The following CACNB4 variants were observed in gnomAD, a reference collection of about 807,000 sequenced individuals.
CACNB4 encodes voltage-dependent L-type calcium channel subunit beta-4.
CACNB4 carries 32 observed loss-of-function variants against 71.2 expected under a neutral mutation model. That is an observed-to-expected ratio of 0.45 (90% confidence interval 0.34 to 0.60). The LOEUF (loss-of-function observed/expected upper bound fraction) is 0.60. Among genes scored for constraint, CACNB4 ranks in the 20% least tolerant of loss-of-function variants. The pLI is 0.01. For missense variants in CACNB4, 464 were observed against 647.9 expected, an observed-to-expected ratio of 0.72 and a Z score of 3.08; for synonymous variants, 231 against 236.9, an observed-to-expected ratio of 0.97 and a Z score of 0.23.
Position 152,026,912 on chromosome 2 carries a change from C to CTT in CACNB4, c.147+71416_147+71417dup, listed in dbSNP as rs60945553. Among the ~76,000 whole-genome samples the CTT allele has an allele frequency of 4.6e-3, 671 of 146,862 alleles. 1 individual carries two copies. Among genetic ancestry groups the CTT allele is most frequent in the Middle Eastern group, 0.011 (3 of 276 alleles). ...GACAGCATTTGACACAATTATCTTT[C>CTT]TTTTTTTTTTTTGATACGGAGTTTC... is the stretch of plus-strand genomic sequence containing the variant. On this transcript the variant is annotated intron_variant, in intron 2 of 13. Coordinates refer to ENST00000539935, the MANE Select transcript of CACNB4 (RefSeq NM_000726.5).
At chr2:151,930,230 T>A (rs1209495028) in intron 2 of CACNB4, among the ~76,000 whole-genome samples, 1 of 152,158 alleles carries the variant, frequency 6.6e-6, no homozygotes, top group Non-Finnish European at 1.5e-5. Flanking sequence ...TAAATGAAGC[T>A]CTTCAAAACT....
intron 2 of CACNB4, among the ~76,000 whole-genome samples, chr2:152,097,428 T>C (rs964166772): frequency 2.0e-5 from 3 of 152,142 alleles, no homozygotes; most frequent in Non-Finnish European, 4.4e-5. Context: ...CGATGACCAA[T>C]GTCTTCCTAG....
intron 2 of CACNB4, among the ~76,000 whole-genome samples, chr2:152,097,628 G>C (rs1425653413): frequency 6.6e-6 from 1 of 152,168 alleles, no homozygotes; most frequent in Non-Finnish European, 1.5e-5. Flanking sequence ...CATTACCAGC[G>C]ATCCGGAGAT....
chr2:152,001,645 G>A (rs925553412), intron 2 of CACNB4, among the ~76,000 whole-genome samples: 47 of 151,462 alleles, frequency 3.1e-4, no homozygotes, highest in African/African-American at 1.1e-3. Context: ...CCTGGGAGGC[G>A]GAGGTTGCAG....
At chr2:151,937,340 T>G (rs2099863155) in intron 2 of CACNB4, among the ~76,000 whole-genome samples, 1 of 152,204 alleles carries the variant, frequency 6.6e-6, no homozygotes, top group Admixed American at 6.5e-5. Flanking sequence ...CATTTAATGC[T>G]GCCTTACACT....
intron 2 of CACNB4, among the ~76,000 whole-genome samples, chr2:151,951,368 G>C (rs2099866876): frequency 6.6e-6 from 1 of 151,800 alleles, no homozygotes; most frequent in Non-Finnish European, 1.5e-5. Context: ...GATCTCTGAT[G>C]ACTCAAGTGC....
At chr2:152,064,661 G>C (rs1332713219) in intron 2 of CACNB4, among the ~76,000 whole-genome samples, 1 of 152,174 alleles carries the variant, frequency 6.6e-6, no homozygotes, top group African/African-American at 2.4e-5. Flanking sequence ...GGGATTACAG[G>C]CATGAGCCAC....
intron 2 of CACNB4, among the ~76,000 whole-genome samples, chr2:152,002,721 T>C (rs1682495479): frequency 6.6e-6 from 1 of 152,224 alleles, no homozygotes; most frequent in African/African-American, 2.4e-5. Flanking sequence ...GTGATTCAAA[T>C]GTGCAGTATG....
intron 2 of CACNB4, among the ~76,000 whole-genome samples, chr2:152,021,211 C>T (rs931351611): frequency 2.6e-5 from 4 of 152,240 alleles, no homozygotes; most frequent in South Asian, 2.1e-4. Context: ...TGCATCACTG[C>T]GCTCCAGCCT....
chr2:152,048,273 C>T (rs1685239281), intron 2 of CACNB4, among the ~76,000 whole-genome samples: 1 of 152,070 alleles, frequency 6.6e-6, no homozygotes, highest in African/African-American at 2.4e-5. Flanking sequence ...GCAAAATCAC[C>T]CCAGCTGAGA....
chr2:152,088,248 G>A (rs1234382252), intron 2 of CACNB4, among the ~76,000 whole-genome samples: 2 of 151,448 alleles, frequency 1.3e-5, no homozygotes, highest in African/African-American at 4.9e-5. Flanking sequence ...TTACCCACCT[G>A]TTCGATTCTA....
chr2:151,957,681 T>A (rs1421593092), intron 2 of CACNB4, among the ~76,000 whole-genome samples: 1 of 152,138 alleles, frequency 6.6e-6, no homozygotes, highest in African/African-American at 2.4e-5. Flanking sequence ...GCCAAAAATA[T>A]GAATCCTAAG....
At chr2:151,942,417 C>T (rs2099864487) in intron 2 of CACNB4, among the ~76,000 whole-genome samples, 1 of 149,210 alleles carries the variant, frequency 6.7e-6, no homozygotes, top group African/African-American at 2.6e-5. Context: ...CTCAGGACCA[C>T]TGTGATAATT....
chr2:152,052,974 T>G (rs1458505762), intron 2 of CACNB4, among the ~76,000 whole-genome samples: 1 of 151,668 alleles, frequency 6.6e-6, no homozygotes, highest in East Asian at 1.9e-4. Flanking sequence ...ATAGCAAGAC[T>G]CTGTCTAAAA....
intron 2 of CACNB4, among the ~76,000 whole-genome samples, chr2:151,893,111 C>T (rs2099851143): frequency 6.6e-6 from 1 of 152,092 alleles, no homozygotes; most frequent in African/African-American, 2.4e-5. Context: ...AAGGAGACCA[C>T]AAACTGAGCT....
intron 2 of CACNB4, among the ~76,000 whole-genome samples, chr2:152,054,314 C>G (rs113827380): frequency 7.1e-6 from 1 of 141,588 alleles, no homozygotes; most frequent in East Asian, 2.1e-4. Flanking sequence ...TGCAGTGAGC[C>G]GAGATCGCGC....
At chr2:152,013,320 C>A (rs16830590) in intron 2 of CACNB4, among the ~76,000 whole-genome samples, 7,331 of 152,218 alleles carry the variant, frequency 0.048, 583 homozygotes, top group African/African-American at 0.17. Context: ...GAGGATTACA[C>A]AATTTCAAGA....
chr2:151,905,467 G>T (rs1047080011), intron 2 of CACNB4, among the ~76,000 whole-genome samples: 4 of 152,170 alleles, frequency 2.6e-5, no homozygotes, highest in African/African-American at 4.8e-5. Flanking sequence ...TAATTTGATT[G>T]TCAAAACCAA....
intron 2 of CACNB4, among the ~76,000 whole-genome samples, chr2:151,974,984 G>A (rs2099873525): frequency 6.6e-6 from 1 of 152,184 alleles, no homozygotes; most frequent in African/African-American, 2.4e-5. Flanking sequence ...AAACTCAGAG[G>A]CTCTAAGTCC....
Sources: gnomAD v4.1 joint callset for allele counts (sites outside exome capture counted in the v4.1 genomes callset) on GRCh38, gnomAD v4.1.1 for gene constraint, MANE v1.5 for transcripts, NCBI Gene and HGNC (gene_info 2026-07-23, HGNC 2026-07-21) for gene names.